MTUS1: variants seen among roughly 807,000 people sequenced by gnomAD.
MTUS1 encodes the protein microtubule-associated tumor suppressor 1.
MTUS1 carries 109 observed loss-of-function variants against 120.8 expected under a neutral mutation model. The observed-to-expected ratio is 0.90, with a 90% confidence interval of 0.77 to 1.06. The LOEUF (loss-of-function observed/expected upper bound fraction) is 1.06. MTUS1 is among the 50% of genes least tolerant of loss of function. MTUS1 has a pLI of 0.00. For missense variants in MTUS1, 2,210 were observed against 1,486.3 expected, an observed-to-expected ratio of 1.49 and a Z score of -8.01; for synonymous variants, 737 against 550.5, an observed-to-expected ratio of 1.34 and a Z score of -4.74.
intron 10 of MTUS1, 40 bp downstream of exon 10, chr8:17,654,521 A>T (rs768661091): frequency 2.3e-6 from 3 of 1,284,974 alleles, no homozygotes; most frequent in South Asian, 2.4e-5. Flanking sequence ...TGGTTCCTTC[A>T]GATTTTATTC....
chr8:17,731,553 C>T (rs2046581748), intron 3 of MTUS1, among the ~76,000 whole-genome samples: 1 of 151,908 alleles, frequency 6.6e-6, no homozygotes, highest in Non-Finnish European at 1.5e-5. Flanking sequence ...AATAATTAAA[C>T]ATAGGTCAGT....
Position 17,778,384 on chromosome 8 carries a change from A to C in MTUS1, c.-154-22423T>G, listed in dbSNP as rs567171686. 4.9e-4 allele frequency among the ~76,000 whole-genome samples: 74 copies of C among 152,358 alleles called. No individual in the cohort carries two copies. The South Asian group carries it at 0.013, about 27-fold the overall frequency. On this transcript the variant is annotated intron_variant, in intron 1 of 14. Transcript: ENST00000693296. Reference sequence around the variant, plus strand: ...GGCAAAGACTGAAAGGGGCACAAGGAAACTTTGAAATAATGAAAATCTATT... The same window carrying C: ...GGCAAAGACTGAAAGGGGCACAAGGCAACTTTGAAATAATGAAAATCTATT...
At chr8:17,678,437 GA>G (rs879287891) in intron 7 of MTUS1, among the ~76,000 whole-genome samples, 31 of 147,594 alleles carry the variant, frequency 2.1e-4, no homozygotes, top group Non-Finnish European at 2.3e-4. Flanking sequence ...AAATGCTCAA[GA>G]AAAAAAAAAT....
intron 7 of MTUS1, among the ~76,000 whole-genome samples, chr8:17,680,040 TC>T (rs1367179931): frequency 6.6e-6 from 1 of 152,126 alleles, no homozygotes; most frequent in Non-Finnish European, 1.5e-5. Context: ...AAATTTCCTG[TC>T]TTAAAAAGCA....
At chr8:17,791,433 T>A (rs1446402014) in intron 1 of MTUS1, among the ~76,000 whole-genome samples, 1 of 152,168 alleles carries the variant, frequency 6.6e-6, no homozygotes, top group Non-Finnish European at 1.5e-5. Context: ...AGGTGAAAAA[T>A]CAGAACAGGG....
chr8:17,721,929 G>A, intron 4 of MTUS1: 2 of 1,596,238 alleles, frequency 1.3e-6, no homozygotes, highest in Non-Finnish European at 1.7e-6. Context: ...AGCTTAAGCA[G>A]GAAAAACTGC....
chr8:17,655,068 G>A (rs1807913468), intron 9 of MTUS1: 1 of 181,576 alleles, frequency 5.5e-6, no homozygotes, highest in African/African-American at 2.3e-5. Context: ...TCAGTCACAA[G>A]GAATGACCAG....
At chr8:17,751,969 T>A (rs1041959992) in intron 2 of MTUS1, among the ~76,000 whole-genome samples, 2 of 151,568 alleles carry the variant, frequency 1.3e-5, no homozygotes, top group African/African-American at 4.8e-5. Flanking sequence ...ACTTACAAAG[T>A]ATTTCATATC....
intron 1 of MTUS1, among the ~76,000 whole-genome samples, chr8:17,793,274 C>T (rs2051946929): frequency 6.6e-6 from 1 of 152,286 alleles, no homozygotes; most frequent in African/African-American, 2.4e-5. Context: ...AAACTTGGCA[C>T]CTTCCAGCTC....
intron 10 of MTUS1, 63 bp from the exon 11 acceptor site, chr8:17,653,561 C>T (rs1010634177): frequency 1.7e-6 from 2 of 1,176,432 alleles, no homozygotes; most frequent in African/African-American, 1.5e-5. Context: ...TACTCTAAAA[C>T]AGTTAAAGCA....
At position 17,730,982 on chromosome 8, in the gene MTUS1, T is replaced by C. The variant is rs892027037; in HGVS notation, c.2288-7149A>G. ...AAAATGGCACATTCTGTGCAATATATATTTTGCCACAATTTAAGTTAAAAA... is the reference window on the plus strand; with the variant it reads ...AAAATGGCACATTCTGTGCAATATACATTTTGCCACAATTTAAGTTAAAAA... On this transcript the variant is annotated intron_variant, in intron 3 of 14. Transcript: ENST00000693296. 1.2e-4 allele frequency among the ~76,000 whole-genome samples: 8 copies of C among 64,526 alleles called. 1 individual carries two copies. In the East Asian group the frequency reaches 2.0e-3, roughly 16 times the overall value. 42.3% of individuals were successfully genotyped at this position (64,526 alleles called of 152,430 possible).
At chr8:17,702,701 G>A (rs76671323) in intron 6 of MTUS1, among the ~76,000 whole-genome samples, 290 of 152,216 alleles carry the variant, frequency 1.9e-3, no homozygotes, top group African/African-American at 6.9e-3. Context: ...CATATGGCAG[G>A]ACTTTCTTCT....
chr8:17,675,287 C>T, intron 7 of MTUS1, 35 bp from the exon 8 acceptor site: 1 of 1,600,964 alleles, frequency 6.2e-7, no homozygotes, highest in Non-Finnish European at 8.6e-7. Flanking sequence ...CTCATGCTTT[C>T]AAGAGGGTCC....
chr8:17,792,145 C>G (rs1334482596), intron 1 of MTUS1, among the ~76,000 whole-genome samples: 1 of 151,958 alleles, frequency 6.6e-6, no homozygotes, highest in East Asian at 1.9e-4. Flanking sequence ...AAGTATGTCC[C>G]CAGGGTTTCA....
At chr8:17,761,637 G>C (rs947927859) in intron 1 of MTUS1, among the ~76,000 whole-genome samples, 7 of 152,074 alleles carry the variant, frequency 4.6e-5, no homozygotes, top group Non-Finnish European at 8.8e-5. Flanking sequence ...AGTTAACCTT[G>C]TAACACCATA....
intron 8 of MTUS1, among the ~76,000 whole-genome samples, chr8:17,656,990 C>T (rs1202196780): frequency 7.5e-6 from 1 of 133,416 alleles, no homozygotes; most frequent in Non-Finnish European, 1.5e-5. Flanking sequence ...ACCCAGGAGG[C>T]GGAGCTTCCA....
intron 6 of MTUS1, 53 bp downstream of exon 6, chr8:17,713,161 C>G (rs1360463990): frequency 3.7e-6 from 5 of 1,366,988 alleles, no homozygotes; most frequent in South Asian, 1.2e-5. Context: ...CTTGTAGTAA[C>G]ATAACTTTAC....
At chr8:17,647,295 C>A in intron 13 of MTUS1, 1 of 475,226 alleles carries the variant, frequency 2.1e-6, no homozygotes, top group Non-Finnish European at 3.7e-6. Flanking sequence ...TGCCAGGACA[C>A]TTAAATATTG....
chr8:17,705,178 C>T (rs1290579884), intron 6 of MTUS1, among the ~76,000 whole-genome samples: 1 of 151,992 alleles, frequency 6.6e-6, no homozygotes, highest in Non-Finnish European at 1.5e-5. Context: ...GAGATGGGGT[C>T]TCAGTACGTT....
Sources: gnomAD v4.1 joint callset for allele counts (sites outside exome capture counted in the v4.1 genomes callset) on GRCh38, gnomAD v4.1.1 for gene constraint, MANE v1.5 for transcripts, NCBI Gene and HGNC (gene_info 2026-07-23, HGNC 2026-07-21) for gene names.